CKAP5: variants seen among roughly 807,000 people sequenced by gnomAD.
The protein encoded by CKAP5 is cytoskeleton-associated protein 5.
CKAP5 carries 27 observed loss-of-function variants against 232.8 expected under a neutral mutation model. The observed-to-expected ratio is 0.12, with a 90% CI of 0.09 to 0.16. CKAP5 has a LOEUF of 0.16. Ranked by LOEUF, CKAP5 falls within the 10% of genes least tolerant of loss-of-function variation. The probability of loss-of-function intolerance (pLI) is 1.00; values close to 1 mark genes in which losing one functional copy is unlikely to be tolerated. For missense variants in CKAP5, 1,838 were observed against 2,424.7 expected (o/e 0.76, Z 5.08); for synonymous variants, 785 against 841.1 (o/e 0.93, Z 1.16).
intron 2 of CKAP5, among the ~76,000 whole-genome samples, chr11:46,818,947 C>T (rs548567633): frequency 3.9e-4 from 60 of 152,084 alleles, no homozygotes; most frequent in Admixed American, 3.3e-3. Context: ...TAGTAGATTC[C>T]GGACATTTTT....
intron 33 of CKAP5, 33 bp from the exon 34 acceptor site, chr11:46,759,475 A>G: frequency 1.3e-6 from 2 of 1,592,206 alleles, no homozygotes; most frequent in Non-Finnish European, 8.5e-7. Flanking sequence ...CCTGAACTAA[A>G]AGAGACTTCT....
intron 1 of CKAP5, among the ~76,000 whole-genome samples, chr11:46,830,152 A>C (rs974469379): frequency 3.3e-5 from 5 of 152,140 alleles, no homozygotes; most frequent in African/African-American, 1.2e-4. Flanking sequence ...AAAGATTAGA[A>C]TAGAGTAGGC....
In CKAP5 at chr11:46,752,616, C is replaced by A; in HGVS notation, c.5133+19G>T. On this transcript the variant is annotated intron_variant, in intron 38 of 43. Coordinates refer to ENST00000529230, the MANE Select transcript of CKAP5 (RefSeq NM_001008938.4). ...ATTGCATCTTTGAAAGAAAAGAGATCAAATCATTTCAACTTCACCTTCATA... is the reference window on the plus strand; with the variant it reads ...ATTGCATCTTTGAAAGAAAAGAGATAAAATCATTTCAACTTCACCTTCATA... The A allele has an allele frequency of 6.3e-7, 1 of 1,586,798 alleles. No individual in the cohort carries two copies. Among genetic ancestry groups the A allele is most frequent in the South Asian group, 1.1e-5 (1 of 89,872 alleles).
chr11:46,798,138 T>C lies in CKAP5; in HGVS notation c.1118A>G (p.Lys373Arg). 2 of 1,614,168 alleles carry C rather than the reference T, an allele frequency of 1.2e-6. No homozygotes were observed. The highest frequency in any genetic ancestry group is 8.5e-7 in the Non-Finnish European group (1 of 1,180,002). Residue 373 changes from lysine (K) to arginine (R), a missense_variant, in exon 10 of 44, where the codon AAG (lysine) becomes AGG (arginine). Lys to Arg is a conservative substitution (Grantham distance 26). This residue lies in a region of CKAP5 where 97 missense variants were observed against 167.7 expected (regional missense o/e 0.58). Transcript: ENST00000529230. ...CAGGGCTTGTACCACTTGAGGTTTC[T>C]TCTCTTTGAATTTCTCCAAGATGGT... is the stretch of plus-strand genomic sequence containing the variant. ...VPTILEKFKE[K>R]KPQVVQALQE... is the part of the protein sequence containing the mutation.
chr11:46,816,472 G>A (rs545408531), intron 3 of CKAP5, 68 bp from the exon 4 acceptor site: 4 of 1,178,372 alleles, frequency 3.4e-6, no homozygotes, highest in East Asian at 2.3e-5. Context: ...TCACGGAAAG[G>A]GGGTGTACTA....
Position 46,837,356 on chromosome 11 carries a change from T to G in CKAP5, c.-38+8864A>C, listed in dbSNP as rs527660833. On this transcript the variant is annotated intron_variant, in intron 1 of 43. Coordinates refer to ENST00000529230, the MANE Select transcript of CKAP5 (RefSeq NM_001008938.4). ...CCCGCCCATACTACTGAAAGTGATC[T>G]ATGGAACTCGTTTAACTTAATATAG... is the stretch of plus-strand genomic sequence containing the variant. 3.3e-5 allele frequency among the ~76,000 whole-genome samples: 5 copies of G among 152,260 alleles called. No individual in the cohort carries two copies. In the South Asian group the frequency reaches 6.2e-4, roughly 19 times the overall value.
At chr11:46,832,683 T>C (rs989022599) in intron 1 of CKAP5, among the ~76,000 whole-genome samples, 1 of 151,990 alleles carries the variant, frequency 6.6e-6, no homozygotes, top group Admixed American at 6.5e-5. Context: ...GAAGTTGATA[T>C]TATTATCCCT....
At chr11:46,825,788 C>T (rs1277967816) in intron 1 of CKAP5, among the ~76,000 whole-genome samples, 1 of 151,362 alleles carries the variant, frequency 6.6e-6, no homozygotes, top group Non-Finnish European at 1.5e-5. Context: ...TTTAAAAAAG[C>T]AATGCATACA....
chr11:46,778,128 G>A lies in CKAP5; in HGVS notation c.2748+11C>T, dbSNP rs1020307897. ...GGGGAGATAAAAAGAACAGCCGTAT[G>A]CTCTACATACCAAGATTTTATTTGA... On this transcript the variant is annotated intron_variant, in intron 22 of 43. Coordinates refer to ENST00000529230, the MANE Select transcript of CKAP5 (RefSeq NM_001008938.4). 2 of 1,611,186 alleles carry A rather than the reference G, an allele frequency of 1.2e-6. No individual in the cohort carries two copies. The highest frequency in any genetic ancestry group is 1.7e-6 in the Non-Finnish European group (2 of 1,178,266).
intron 1 of CKAP5, among the ~76,000 whole-genome samples, chr11:46,822,786 T>C (rs1241668557): frequency 1.4e-5 from 2 of 145,964 alleles, no homozygotes; most frequent in African/African-American, 2.5e-5. Flanking sequence ...AAAGAATCAA[T>C]ATGTAAAAAT....
intron 23 of CKAP5, among the ~76,000 whole-genome samples, chr11:46,776,686 A>G (rs556985066): frequency 6.6e-6 from 1 of 152,330 alleles, no homozygotes; most frequent in African/African-American, 2.4e-5. Context: ...TTTCCTGAGT[A>G]GTTGGGGGCA....
chr11:46,797,869 C>T lies in CKAP5; in HGVS notation c.1274G>A (p.Arg425His), dbSNP rs753718266. 7.4e-6 allele frequency: 12 copies of T among 1,613,850 alleles called. No homozygotes were observed. The highest frequency in any genetic ancestry group is 2.7e-5 in the African/African-American group (2 of 74,862). Residue 425 changes from arginine to histidine, a missense_variant, in exon 11 of 44, where the codon CGC becomes CAC. Arg to His is a conservative substitution (Grantham distance 29). Transcript: ENST00000529230. ...QTSLFIARSFRHCTASTLPKS... is the reference protein window; with the variant it reads ...QTSLFIARSFHHCTASTLPKS... ...TGGCAGGGTAGAAGCAGTGCAGTGGCGGAAACTTCTTGCAATAAAAAGAGA... is the reference window on the plus strand; with the variant it reads ...TGGCAGGGTAGAAGCAGTGCAGTGGTGGAAACTTCTTGCAATAAAAAGAGA...
At chr11:46,832,158 T>A (rs1939808143) in intron 1 of CKAP5, among the ~76,000 whole-genome samples, 1 of 152,136 alleles carries the variant, frequency 6.6e-6, no homozygotes, top group South Asian at 2.1e-4. Context: ...CTGCGCCTGG[T>A]CTTATAAAGA....
At chr11:46,783,169 TCTCA>T in intron 18 of CKAP5, 101 bp downstream of exon 18, 2 of 633,442 alleles carry the variant, frequency 3.2e-6, no homozygotes, top group South Asian at 4.3e-5. Flanking sequence ...ACAATCCAGC[TCTCA>T]CTCTTCAGAA....
At chr11:46,772,051 T>A (rs200464770) in intron 24 of CKAP5, among the ~76,000 whole-genome samples, 33 of 104,992 alleles carry the variant, frequency 3.1e-4, no homozygotes, top group Admixed American at 2.0e-3. Flanking sequence ...TTTTTTTTTT[T>A]AAATTAAGTC....
chr11:46,827,023 C>T (rs1287539892), intron 1 of CKAP5, among the ~76,000 whole-genome samples: 2 of 152,172 alleles, frequency 1.3e-5, no homozygotes, highest in Non-Finnish European at 2.9e-5. Context: ...GCTTCTAGGT[C>T]CTAGGCTTTC....
In CKAP5 at chr11:46,752,676, C is replaced by T. The variant is rs199682850; in HGVS notation, c.5092G>A (p.Ala1698Thr). The T allele has an allele frequency of 4.1e-5, 66 of 1,613,048 alleles. No homozygotes were observed. Among genetic ancestry groups the T allele is most frequent in the Non-Finnish European group, 5.3e-5 (63 of 1,179,430 alleles). The change falls in exon 38 of 44, where the codon GCA (alanine) becomes ACA (threonine). Residue 1698 changes from alanine (A) to threonine (T), a missense_variant. By Grantham distance (58) the Ala-to-Thr change is moderately conservative. This residue lies in a region of CKAP5 where 579 missense variants were observed against 843.2 expected (regional missense o/e 0.69). Transcript: ENST00000529230. ...GAGAATTTGGGAGAACTGGCTGTTG[C>T]TAGCAGGCTGTCTTGGAGCAAAACA... is the stretch of plus-strand genomic sequence containing the variant. Reference protein sequence around the residue: ...LLVLLQDSLLATASSPKFSEL... With the variant: ...LLVLLQDSLLTTASSPKFSEL...
chr11:46,789,029 C>T (rs1470726084), intron 15 of CKAP5, among the ~76,000 whole-genome samples: 2 of 152,334 alleles, frequency 1.3e-5, no homozygotes, highest in Middle Eastern at 3.4e-3. Context: ...GTTTATCTCA[C>T]ATTTCAGGAA....
Position 46,797,898 on chromosome 11 carries a change from C to A in CKAP5, c.1245G>T (p.Gln415His). 1 of 1,614,066 alleles carries A rather than the reference C, an allele frequency of 6.2e-7. No individual in the cohort carries two copies. Among genetic ancestry groups the A allele is most frequent in the Non-Finnish European group, 8.5e-7 (1 of 1,180,010 alleles). ...AACTTCTTGCAATAAAAAGAGATGT[C>A]TGCTGCTTGATGGTTGGATTTTTAT... is the stretch of plus-strand genomic sequence containing the variant. Reference protein sequence around the residue: ...MDNKNPTIKQQTSLFIARSFR... With the variant: ...MDNKNPTIKQHTSLFIARSFR... Residue 415 changes from glutamine to histidine, a missense_variant, in exon 11 of 44, where the codon CAG becomes CAT. Physicochemically the swap from Gln to His is conservative, Grantham distance 24. Transcript: ENST00000529230.
Sources: allele counts gnomAD v4.1 joint callset (sites outside exome capture counted in the v4.1 genomes callset), GRCh38; gene constraint gnomAD v4.1.1; regional missense constraint gnomAD v4.1.1; transcripts MANE v1.5; gene names NCBI Gene and HGNC (gene_info 2026-07-23, HGNC 2026-07-21).